TNKS: variants seen among roughly 807,000 people sequenced by gnomAD.
TNKS encodes tankyrase.
Under a neutral mutation model 135.8 loss-of-function variants are expected in TNKS, and 72 were observed. The observed-to-expected ratio is 0.53, with a 90% CI of 0.44 to 0.64. The LOEUF (loss-of-function observed/expected upper bound fraction) is 0.64. TNKS is among the 30% of genes least tolerant of loss of function. The pLI is 0.00. For synonymous variants in TNKS, 849 were observed against 649.3 expected (o/e 1.31, Z -4.68); for missense variants, 1,769 against 1,674.0 (o/e 1.06, Z -0.99).
chr8:9,697,980 G>T (rs922755671), intron 5 of TNKS, among the ~76,000 whole-genome samples: 1 of 152,134 alleles, frequency 6.6e-6, no homozygotes, highest in Non-Finnish European at 1.5e-5. Context: ...ATTCACAATA[G>T]CGAAGACATG....
intron 2 of TNKS, among the ~76,000 whole-genome samples, chr8:9,593,460 G>C (rs905987200): frequency 4.6e-5 from 7 of 152,212 alleles, no homozygotes; most frequent in African/African-American, 1.7e-4. Context: ...CATTCTGTAA[G>C]TCTGCCAAAT....
intron 3 of TNKS, among the ~76,000 whole-genome samples, chr8:9,674,218 G>A (rs1055113190): frequency 1.8e-4 from 28 of 152,120 alleles, no homozygotes; most frequent in African/African-American, 6.0e-4. Flanking sequence ...TTTAGAAATC[G>A]TTTAACCTGT....
Position 9,708,495 on chromosome 8 carries a change from A to G in TNKS, c.1578+3A>G, listed in dbSNP as rs971179706. 6.3e-7 allele frequency: 1 copy of G among 1,589,036 alleles called. No individual in the cohort carries two copies. The highest frequency in any genetic ancestry group is 8.6e-7 in the Non-Finnish European group (1 of 1,168,972). On this transcript the variant is annotated splice_donor_region_variant and intron_variant, in intron 9 of 26. Transcript: ENST00000310430. ...CGCAGTCTCATGAAACAGCACTGGT[A>G]AGATTTTATTGTTAATCTATTCCCT...
intron 1 of TNKS, among the ~76,000 whole-genome samples, chr8:9,578,840 A>C (rs1288084803): frequency 6.6e-6 from 1 of 152,212 alleles, no homozygotes; most frequent in African/African-American, 2.4e-5. Context: ...TCATTAATTA[A>C]GATTCTAGCT....
Position 9,673,343 on chromosome 8 carries a change from A to G in TNKS, c.995-6608A>G, listed in dbSNP as rs142952609. Among the ~76,000 whole-genome samples, 14 of 152,200 alleles carry G rather than the reference A, an allele frequency of 9.2e-5. No homozygotes were observed. The East Asian group carries it at 2.7e-3, about 29-fold the overall frequency. Reference sequence around the variant, plus strand: ...GACATTTAATATATTACAATTTTTAAGACATGAAAATAATATATAAATTTT... The same window carrying G: ...GACATTTAATATATTACAATTTTTAGGACATGAAAATAATATATAAATTTT... On this transcript the variant is annotated intron_variant, in intron 3 of 26. Transcript: ENST00000310430.
At chr8:9,609,163 G>C (rs1467425820) in intron 2 of TNKS, among the ~76,000 whole-genome samples, 1 of 151,794 alleles carries the variant, frequency 6.6e-6, no homozygotes, top group Non-Finnish European at 1.5e-5. Context: ...TACATGTCTT[G>C]TACCTCTGAT....
chr8:9,649,896 T>C (rs867399576), intron 3 of TNKS, among the ~76,000 whole-genome samples: 2 of 101,118 alleles, frequency 2.0e-5, no homozygotes, highest in African/African-American at 3.5e-5. Context: ...TTTTTTTTTT[T>C]TTTTTTTTTT....
chr8:9,751,825 A>C lies in TNKS; in HGVS notation c.3049A>C (p.Thr1017Pro). 1 of 1,614,202 alleles carries C rather than the reference A, an allele frequency of 6.2e-7. No individual in the cohort carries two copies. Among genetic ancestry groups the C allele is most frequent in the Non-Finnish European group, 8.5e-7 (1 of 1,180,036 alleles). ...CAATGCAGGGGATGGCGCCGCGGGA[A>C]CAGAAAGGAAGGAAGGAGAAGGTGA... ...ASNAGDGAAGTERKEGEVAGL... is the reference protein window; with the variant it reads ...ASNAGDGAAGPERKEGEVAGL... Residue 1017 changes from threonine (T) to proline (P), a missense_variant, in exon 19 of 27, where the codon ACA becomes CCA. Thr to Pro is a conservative substitution (Grantham distance 38). Coordinates refer to ENST00000310430, the MANE Select transcript of TNKS (RefSeq NM_003747.3).
intron 19 of TNKS, 70 bp from the exon 20 acceptor site, chr8:9,752,474 A>C: frequency 8.4e-7 from 1 of 1,193,472 alleles, no homozygotes; most frequent in East Asian, 2.3e-5. Context: ...GTCATGTCTA[A>C]ATGGATACTG....
At chr8:9,569,135 C>G (rs1563387559) in intron 1 of TNKS, among the ~76,000 whole-genome samples, 1 of 152,168 alleles carries the variant, frequency 6.6e-6, no homozygotes, top group Admixed American at 6.5e-5. Context: ...TTACAGAATT[C>G]TAGTATTTCC....
chr8:9,731,072 C>A, intron 14 of TNKS, 37 bp downstream of exon 14: 1 of 1,505,532 alleles, frequency 6.6e-7, no homozygotes, highest in South Asian at 1.3e-5. Flanking sequence ...GAGTCATTCT[C>A]TTCATGCTTA....
At chr8:9,685,083 G>A (rs2128799166) in intron 5 of TNKS, among the ~76,000 whole-genome samples, 1 of 152,192 alleles carries the variant, frequency 6.6e-6, no homozygotes, top group East Asian at 1.9e-4. Context: ...TTCTTTAAGT[G>A]TCAACTTTCT....
chr8:9,556,704 G>A, intron 1 of TNKS, 92 bp downstream of exon 1: 1 of 1,446,890 alleles, frequency 6.9e-7, no homozygotes, highest in Non-Finnish European at 9.5e-7. Flanking sequence ...ATGGGACAAA[G>A]TGGGGGCGTG....
intron 17 of TNKS, among the ~76,000 whole-genome samples, chr8:9,744,501 T>G (rs1275684997): frequency 6.6e-6 from 1 of 152,230 alleles, no homozygotes; most frequent in Non-Finnish European, 1.5e-5. Context: ...TTTTTAAAAT[T>G]AAAAGCTTCC....
chr8:9,580,436 T>A, intron 2 of TNKS, 53 bp downstream of exon 2: 7 of 1,516,008 alleles, frequency 4.6e-6, no homozygotes, highest in Non-Finnish European at 6.3e-6. Flanking sequence ...ATTCTTACTT[T>A]TTTTGTGGTA....
intron 3 of TNKS, among the ~76,000 whole-genome samples, chr8:9,620,899 T>G (rs73523206): frequency 2.0e-5 from 3 of 152,332 alleles, no homozygotes; most frequent in African/African-American, 7.2e-5. Flanking sequence ...TTTGGACTTT[T>G]GTCTGTCTTG....
In TNKS at chr8:9,781,974, G is replaced by T. The variant is rs1425984890; in HGVS notation, c.*5238G>T. 1 of 152,384 alleles carries T rather than the reference G, an allele frequency of 6.6e-6. No individual in the cohort carries two copies. The highest frequency in any genetic ancestry group is 1.9e-4 in the East Asian group (1 of 5,204). The allele number at this position is 152,384 out of a possible 1,614,324, so 9.4% of individuals were successfully genotyped here. A position where few individuals can be genotyped will look rare whatever the true frequency, so the allele number is the denominator to read the frequency against. On this transcript the variant is annotated 3_prime_UTR_variant, in exon 27 of 27. Transcript: ENST00000310430. ...CAATTTCACGTTAAGAATGTTTCATGCAATATTTGGCATATATTTACAGTA... is the reference window on the plus strand; with the variant it reads ...CAATTTCACGTTAAGAATGTTTCATTCAATATTTGGCATATATTTACAGTA...
At chr8:9,758,483 G>A (rs1806963722) in intron 20 of TNKS, among the ~76,000 whole-genome samples, 1 of 152,134 alleles carries the variant, frequency 6.6e-6, no homozygotes, top group Non-Finnish European at 1.5e-5. Flanking sequence ...GATAGCGTAG[G>A]TAGATCACTT....
chr8:9,601,314 G>A (rs1410558905), intron 2 of TNKS, among the ~76,000 whole-genome samples: 4 of 151,946 alleles, frequency 2.6e-5, no homozygotes, highest in East Asian at 1.9e-4. Context: ...AATTTAACAC[G>A]TGTTAAAACT....
Sources: gnomAD v4.1 joint callset for allele counts (sites outside exome capture counted in the v4.1 genomes callset) on GRCh38, gnomAD v4.1.1 for gene constraint, MANE v1.5 for transcripts, NCBI Gene and HGNC (gene_info 2026-07-23, HGNC 2026-07-21) for gene names.